Variants in FOXK2 observed in about 807,000 individuals in gnomAD.
The protein encoded by FOXK2 is forkhead box K2.
Under a neutral mutation model 53.3 loss-of-function variants are expected in FOXK2, and 24 were observed. The ratio of observed to expected loss-of-function variants is 0.45; its 90% CI spans 0.33 to 0.63. The LOEUF (loss-of-function observed/expected upper bound fraction) is 0.63, where lower values mean the gene tolerates loss of function less well. FOXK2 is among the 30% of genes least tolerant of loss of function. The pLI, the probability that FOXK2 is intolerant of heterozygous loss-of-function variation, is 0.03. For missense variants in FOXK2, 952 were observed against 910.5 expected (o/e 1.05, Z -0.59); for synonymous variants, 505 against 407.1 (o/e 1.24, Z -2.89).
At chr17:82,527,314 A>G (rs2044428271) in intron 1 of FOXK2, among the ~76,000 whole-genome samples, 1 of 151,766 alleles carries the variant, frequency 6.6e-6, no homozygotes, top group African/African-American at 2.4e-5. Flanking sequence ...TAATTTTTGT[A>G]TTTTTGGTAG....
At chr17:82,573,920 C>T (rs2044951756) in intron 4 of FOXK2, among the ~76,000 whole-genome samples, 1 of 152,214 alleles carries the variant, frequency 6.6e-6, no homozygotes, top group South Asian at 2.1e-4. Flanking sequence ...GGCCTGGCCT[C>T]AGTTTTGGGG....
chr17:82,587,390 G>C (rs779101046), intron 8 of FOXK2, 118 bp downstream of exon 8: 1 of 779,570 alleles, frequency 1.3e-6, no homozygotes, highest in Admixed American at 2.1e-5. Context: ...GGCAATGTTT[G>C]CATTTCGAAG....
rs185405224 is a variant in FOXK2, at chr17:82,587,162, T to C, written c.1676T>C (p.Ile559Thr). 434 of 1,612,640 alleles carry C rather than the reference T, an allele frequency of 2.7e-4. 2 individuals are homozygous for C. In the Middle Eastern group the frequency reaches 6.4e-3, roughly 24 times the overall value. ...ACCACCCCGGTCCAGACGGTGACCA[T>C]AGTACAACAGGCACCTCTAGGTCAA... ...AQTTPVQTVTIVQQAPLGQHQ... is the reference protein window; with the variant it reads ...AQTTPVQTVTTVQQAPLGQHQ... Residue 559 changes from isoleucine (I) to threonine (T), a missense_variant, in exon 8 of 9, where the codon ATA becomes ACA. Physicochemically the swap from Ile to Thr is moderately conservative, Grantham distance 89. Transcript: ENST00000335255.
Position 82,584,276 on chromosome 17 carries a change from G to A in FOXK2, c.1279+88G>A, listed in dbSNP as rs1274707399. Reference sequence around the variant, plus strand: ...TCCACAGAGAAGAAACAGCCGGACTGGAGGCCTGCCTGTCCCTCTGTACCT... The same window carrying A: ...TCCACAGAGAAGAAACAGCCGGACTAGAGGCCTGCCTGTCCCTCTGTACCT... On this transcript the variant is annotated intron_variant, in intron 6 of 8. Coordinates refer to ENST00000335255, the MANE Select transcript of FOXK2 (RefSeq NM_004514.4). 8.7e-6 allele frequency: 12 copies of A among 1,380,600 alleles called. No homozygotes were observed. In the Admixed American group the frequency reaches 2.9e-4, roughly 33 times the overall value. 85.5% of individuals were successfully genotyped at this position (1,380,600 alleles called of 1,614,324 possible).
chr17:82,531,932 C>T (rs1055841079), intron 1 of FOXK2, among the ~76,000 whole-genome samples: 32 of 152,100 alleles, frequency 2.1e-4, no homozygotes, highest in African/African-American at 7.5e-4. Context: ...CGTCTGCCTC[C>T]CAGGTTCAAG....
At chr17:82,543,797 G>A (rs2044596025) in intron 1 of FOXK2, among the ~76,000 whole-genome samples, 1 of 121,330 alleles carries the variant, frequency 8.2e-6, no homozygotes, top group Non-Finnish European at 1.7e-5. Context: ...TTTTTTTTGA[G>A]ACGGAGTCTT....
chr17:82,530,368 T>C (rs991178685), intron 1 of FOXK2, among the ~76,000 whole-genome samples: 1 of 142,536 alleles, frequency 7.0e-6, no homozygotes, highest in Non-Finnish European at 1.5e-5. Flanking sequence ...CGCATGCCTC[T>C]AATACCAGCT....
chr17:82,533,322 C>G (rs1300822305), intron 1 of FOXK2, among the ~76,000 whole-genome samples: 1 of 152,074 alleles, frequency 6.6e-6, no homozygotes. Flanking sequence ...AACCCTGTCT[C>G]TACTAAAAAT....
intron 7 of FOXK2, 25 bp from the exon 8 acceptor site, chr17:82,587,038 G>A: frequency 1.2e-6 from 2 of 1,605,488 alleles, no homozygotes; most frequent in Non-Finnish European, 1.7e-6. Flanking sequence ...TAATATTAAT[G>A]TCGTTTCTTT....
chr17:82,560,340 C>T (rs950304232), intron 1 of FOXK2, among the ~76,000 whole-genome samples: 9 of 152,150 alleles, frequency 5.9e-5, no homozygotes, highest in African/African-American at 2.2e-4. Context: ...AGCGGTCTCA[C>T]TGTGTGGCAC....
intron 1 of FOXK2, among the ~76,000 whole-genome samples, chr17:82,532,376 T>G (rs1326447480): frequency 2.6e-5 from 4 of 151,596 alleles, no homozygotes; most frequent in Non-Finnish European, 5.9e-5. Flanking sequence ...ACTCCTGACC[T>G]CAGGTGATCC....
intron 1 of FOXK2, among the ~76,000 whole-genome samples, chr17:82,527,519 C>T (rs562964164): frequency 6.6e-6 from 1 of 152,066 alleles, no homozygotes; most frequent in Non-Finnish European, 1.5e-5. Context: ...ATCCCAGCAA[C>T]TCAGGAGGCT....
intron 1 of FOXK2, among the ~76,000 whole-genome samples, chr17:82,551,595 C>A (rs1212653299): frequency 6.6e-6 from 1 of 151,872 alleles, no homozygotes; most frequent in Non-Finnish European, 1.5e-5. Context: ...GCAGGAGACT[C>A]ACTTGAACTT....
intron 8 of FOXK2, chr17:82,599,689 T>A (rs2045360457): frequency 6.6e-6 from 1 of 152,166 alleles, no homozygotes; most frequent in Non-Finnish European, 1.5e-5. Context: ...CATGAGGAGC[T>A]GACCACGCAC....
chr17:82,551,877 A>G (rs564584912), intron 1 of FOXK2, among the ~76,000 whole-genome samples: 76 of 152,124 alleles, frequency 5.0e-4, no homozygotes, highest in African/African-American at 1.8e-3. Flanking sequence ...ACCTCCTCCA[A>G]GGAGGGGCAG....
In FOXK2 at chr17:82,563,484, A is replaced by G. The variant is rs1184918374; in HGVS notation, c.550A>G (p.Ile184Val). ...AVQPHISPLT[I>V]NIPDTMAHLI... is the part of the protein sequence containing the mutation. Reference sequence around the variant, plus strand: ...ACAGCCACACATCTCGCCCCTGACCATCAACATTCCAGACACCATGGCCCA... The same window carrying G: ...ACAGCCACACATCTCGCCCCTGACCGTCAACATTCCAGACACCATGGCCCA... The change falls in exon 2 of 9, where the codon ATC becomes GTC. Residue 184 changes from isoleucine (I) to valine (V), a missense_variant. Physicochemically the swap from Ile to Val is conservative, Grantham distance 29 (BLOSUM62 3). This residue lies in a region of FOXK2 where 76 missense variants were observed against 128.2 expected (regional missense o/e 0.59). Coordinates refer to ENST00000335255, the MANE Select transcript of FOXK2 (RefSeq NM_004514.4). 1.2e-6 allele frequency: 2 copies of G among 1,613,896 alleles called. No homozygotes were observed. Among genetic ancestry groups the G allele is most frequent in the African/African-American group, 2.7e-5 (2 of 74,864 alleles).
intron 4 of FOXK2, chr17:82,577,492 G>A (rs79974293): frequency 0.07 from 21,350 of 303,324 alleles, 970 homozygotes; most frequent in Non-Finnish European, 0.093. Context: ...AAGCTGCGGC[G>A]TGCTCACTGC....
rs1242074183 is a variant in FOXK2 at position 82,585,958 on chromosome 17, A to G, written c.1334A>G (p.Gln445Arg). 7.4e-6 allele frequency: 12 copies of G among 1,612,616 alleles called. No homozygotes were observed. Among genetic ancestry groups the G allele is most frequent in the African/African-American group, 1.3e-5 (1 of 74,922 alleles). ...VLITVQRQLP[Q>R]AIKPVTYTVA... Reference sequence around the variant, plus strand: ...ATCACCGTCCAGCGGCAGCTACCACAGGCCATCAAGCCTGTCACCTACACT... The same window carrying G: ...ATCACCGTCCAGCGGCAGCTACCACGGGCCATCAAGCCTGTCACCTACACT... The change falls in exon 7 of 9, where the codon CAG becomes CGG. Residue 445 changes from glutamine (Q) to arginine (R), a missense_variant. Transcript: ENST00000335255.
chr17:82,538,530 G>A (rs944633622), intron 1 of FOXK2, among the ~76,000 whole-genome samples: 10 of 152,164 alleles, frequency 6.6e-5, no homozygotes, highest in Admixed American at 6.5e-5. Context: ...AAAAATTACC[G>A]TCCTCGCATT....
Sources: gnomAD v4.1 joint callset for allele counts (sites outside exome capture counted in the v4.1 genomes callset) on GRCh38, gnomAD v4.1.1 for gene constraint, gnomAD v4.1.1 regional missense constraint, MANE v1.5 for transcripts, NCBI Gene and HGNC (gene_info 2026-07-23, HGNC 2026-07-21) for gene names.